Variants in ABHD14A observed in about 807,000 individuals in gnomAD.
ABHD14A encodes protein ABHD14A.
ABHD14A carries 19 observed loss-of-function variants against 27.0 expected under a neutral mutation model. That is an observed-to-expected ratio of 0.70 (90% CI 0.49 to 1.03). ABHD14A has a LOEUF of 1.03. ABHD14A is among the 50% of genes least tolerant of loss of function. The pLI, the probability that ABHD14A is intolerant of heterozygous loss-of-function variation, is 0.00. For synonymous variants in ABHD14A, 148 were observed against 158.8 expected (o/e 0.93, Z 0.51); for missense variants, 311 against 344.6 (o/e 0.90, Z 0.77).
In ABHD14A at chr3:51,980,508, G is replaced by T; in HGVS notation, c.513G>T (p.Ser171=). 1 of 1,614,012 alleles carries T rather than the reference G, an allele frequency of 6.2e-7. No individual in the cohort carries two copies. The highest frequency in any genetic ancestry group is 8.5e-7 in the Non-Finnish European group (1 of 1,180,022). ...AGAATGCCGTGTTGGTGAGCCCCTC[G>T]CTGAGTGGCCACTATGCCCTGCCCT... ...EVQNAVLVSP[S]LSGHYALPFL... is the part of the protein sequence containing the mutation. The change falls in exon 4 of 5, where the codon TCG becomes TCT. Residue 171 remains serine (S), a synonymous_variant. Coordinates refer to ENST00000273596, the MANE Select transcript of ABHD14A (RefSeq NM_015407.5).
Position 51,980,445 on chromosome 3 carries a change from A to C in ABHD14A, c.450A>C (p.Ala150=). ...AGGCAAGCACAGAGGCAGGGCGGGC[A>C]GCGCTGCTGGAGCGGGCGCTGCGGG... ...SKEASTEAGR[A]ALLERALRDL... The change falls in exon 4 of 5, where the codon GCA becomes GCC. Residue 150 remains alanine (A), a synonymous_variant. Transcript: ENST00000273596. 6.2e-7 allele frequency: 1 copy of C among 1,613,456 alleles called. No individual in the cohort carries two copies. Among genetic ancestry groups the C allele is most frequent in the Non-Finnish European group, 8.5e-7 (1 of 1,180,004 alleles).
In ABHD14A at chr3:51,978,338, C is replaced by T. The variant is rs1700835377; in HGVS notation, c.361C>T (p.Gln121Ter). Reference sequence around the variant, plus strand: ...GCTGGGCACACTGCAGCTACTGTCACAGAGGGGCTACCGGGCCGTGGCCCT... The same window carrying T: ...GCTGGGCACACTGCAGCTACTGTCATAGAGGGGCTACCGGGCCGTGGCCCT... The part of the protein sequence containing the change: ...EQLGTLQLLS[Q>*]RGYRAVALDL... Residue 121 changes from glutamine to a stop codon, truncating the protein, a stop_gained, in exon 3 of 5, where the codon CAG becomes TAG. Transcript: ENST00000273596. LOFTEE classifies it high-confidence loss of function. 6.4e-7 allele frequency: 1 copy of T among 1,551,794 alleles called. No homozygotes were observed. The highest frequency in any genetic ancestry group is 8.7e-7 in the Non-Finnish European group (1 of 1,147,008).
In ABHD14A at chr3:51,980,629, G is replaced by T. The variant is rs373076381; in HGVS notation, c.633+1G>T. The T allele has an allele frequency of 3.7e-6, 6 of 1,612,174 alleles. No homozygotes were observed. Among genetic ancestry groups the T allele is most frequent in the South Asian group, 3.3e-5 (3 of 90,996 alleles). On this transcript the variant is annotated splice_donor_variant, in intron 4 of 4. Coordinates refer to ENST00000273596, the MANE Select transcript of ABHD14A (RefSeq NM_015407.5). LOFTEE classifies it high-confidence loss of function. Reference sequence around the variant, plus strand: ...CCAGGAGCAATTCTGGGCTGTGAAGGTACTGGGAGAAGGATCTCAAAGGTC... The same window carrying T: ...CCAGGAGCAATTCTGGGCTGTGAAGTTACTGGGAGAAGGATCTCAAAGGTC...
At position 51,981,098 on chromosome 3, in the gene ABHD14A, C is replaced by T; in HGVS notation, c.*80C>T. 6.6e-7 allele frequency: 1 copy of T among 1,512,722 alleles called. No individual in the cohort carries two copies. The highest frequency in any genetic ancestry group is 2.3e-5 in the East Asian group (1 of 43,754). The allele number at this position is 1,512,722 out of a possible 1,614,324, so 93.7% of individuals were successfully genotyped here. On this transcript the variant is annotated 3_prime_UTR_variant, in exon 5 of 5. Transcript: ENST00000273596. ...ACCCTCCCTGAACCAGGGAGACAGCCTCTGGGATTGGAGGCCAGAGGCCAG... is the reference window on the plus strand; with the variant it reads ...ACCCTCCCTGAACCAGGGAGACAGCTTCTGGGATTGGAGGCCAGAGGCCAG...
chr3:51,975,245 G>A, intron 1 of ABHD14A, 41 bp downstream of exon 1: 5 of 1,246,010 alleles, frequency 4.0e-6, no homozygotes, highest in South Asian at 6.7e-5. Context: ...GTGGCCCAGG[G>A]GAGGGCCGTC....
chr3:51,978,970 C>A, intron 3 of ABHD14A: 1 of 273,138 alleles, frequency 3.7e-6, no homozygotes, highest in Admixed American at 4.3e-5. Context: ...TCATTCTTGT[C>A]ATTAAAAAAA....
In ABHD14A at chr3:51,980,627, A is replaced by G. The variant is rs762319081; in HGVS notation, c.632A>G (p.Lys211Arg). 1 of 1,612,110 alleles carries G rather than the reference A, an allele frequency of 6.2e-7. No homozygotes were observed. Among genetic ancestry groups the G allele is most frequent in the Non-Finnish European group, 8.5e-7 (1 of 1,178,692 alleles). Residue 211 changes from lysine to arginine, a missense_variant and splice_region_variant, in exon 4 of 5, where the codon AAG becomes AGG. Coordinates refer to ENST00000273596, the MANE Select transcript of ABHD14A (RefSeq NM_015407.5). ...NYTQEQFWAVKTPTLILYGEL... is the reference protein window; with the variant it reads ...NYTQEQFWAVRTPTLILYGEL... The stretch of plus-strand genomic sequence containing the variant: ...ACCCAGGAGCAATTCTGGGCTGTGA[A>G]GGTACTGGGAGAAGGATCTCAAAGG...
Position 51,975,111 on chromosome 3 carries a change from G to C in ABHD14A, c.-25G>C, listed in dbSNP as rs773706812. 10 of 1,289,270 alleles carry C rather than the reference G, an allele frequency of 7.8e-6. No homozygotes were observed. Among genetic ancestry groups the C allele is most frequent in the Non-Finnish European group, 6.9e-6 (7 of 1,018,252 alleles). The allele number at this position is 1,289,270 out of a possible 1,614,324, so 79.9% of individuals were successfully genotyped here. On this transcript the variant is annotated 5_prime_UTR_variant, in exon 1 of 5. Transcript: ENST00000273596. ...GCTCCTGGCCGCCTAGAGCCGGAGC[G>C]GCCCGCGGAGCTGCGGAGGCAGCCA...
intron 3 of ABHD14A, 136 bp downstream of exon 3, chr3:51,978,510 C>T: frequency 3.6e-6 from 2 of 551,510 alleles, no homozygotes; most frequent in South Asian, 3.2e-5. Flanking sequence ...TCATTTTCTA[C>T]TATGAAAACT....
At chr3:51,975,898 G>C (rs919318913) in intron 1 of ABHD14A, among the ~76,000 whole-genome samples, 3 of 152,272 alleles carry the variant, frequency 2.0e-5, no homozygotes, top group African/African-American at 7.2e-5. Flanking sequence ...GTGCACCTGT[G>C]TGTCATTGTC....
chr3:51,976,099 A>C (rs982678915), intron 1 of ABHD14A, among the ~76,000 whole-genome samples: 1 of 152,224 alleles, frequency 6.6e-6, no homozygotes, highest in Non-Finnish European at 1.5e-5. Flanking sequence ...CAGCAAGGAA[A>C]TGTCCCTCGC....
chr3:51,981,086 C>G lies in ABHD14A; in HGVS notation c.*68C>G, dbSNP rs971287818. 1.9e-6 allele frequency: 3 copies of G among 1,540,434 alleles called. No individual in the cohort carries two copies. Among genetic ancestry groups the G allele is most frequent in the Non-Finnish European group, 2.7e-6 (3 of 1,128,374 alleles). ...GTCTGGACCGCCACCCTCCCTGAACCAGGGAGACAGCCTCTGGGATTGGAG... is the reference window on the plus strand; with the variant it reads ...GTCTGGACCGCCACCCTCCCTGAACGAGGGAGACAGCCTCTGGGATTGGAG... On this transcript the variant is annotated 3_prime_UTR_variant, in exon 5 of 5. Transcript: ENST00000273596.
chr3:51,980,082 C>T (rs1239610763), intron 3 of ABHD14A, among the ~76,000 whole-genome samples: 1 of 152,126 alleles, frequency 6.6e-6, no homozygotes, highest in African/African-American at 2.4e-5. Context: ...GCCACCTCGC[C>T]TGGCTAATTT....
chr3:51,980,363 C>T (rs1700886755), intron 3 of ABHD14A, 30 bp from the exon 4 acceptor site: 1 of 1,607,238 alleles, frequency 6.2e-7, no homozygotes. Flanking sequence ...TTCCCAGTGC[C>T]CCTCAGCTGG....
At chr3:51,978,728 A>C (rs1340627901) in intron 3 of ABHD14A, 2 of 276,438 alleles carry the variant, frequency 7.2e-6, no homozygotes, top group Non-Finnish European at 1.5e-5. Flanking sequence ...AGTAGCTGAG[A>C]TTACAGGTGA....
chr3:51,980,600 A>G lies in ABHD14A; in HGVS notation c.605A>G (p.Tyr202Cys), dbSNP rs2106817986. The G allele has an allele frequency of 6.2e-7, 1 of 1,613,902 alleles. No individual in the cohort carries two copies. The highest frequency in any genetic ancestry group is 1.1e-5 in the South Asian group (1 of 91,084). Residue 202 changes from tyrosine (Y) to cysteine (C), a missense_variant, in exon 4 of 5, where the codon TAC becomes TGC. Coordinates refer to ENST00000273596, the MANE Select transcript of ABHD14A (RefSeq NM_015407.5). ...VPIAPTSTQN[Y>C]TQEQFWAVKT... The stretch of plus-strand genomic sequence containing the variant: ...ATCGCACCCACCTCCACCCAGAACT[A>G]CACCCAGGAGCAATTCTGGGCTGTG...
intron 1 of ABHD14A, among the ~76,000 whole-genome samples, chr3:51,976,946 T>C (rs2015691): frequency 0.075 from 11,437 of 152,178 alleles, 1,445 homozygotes; most frequent in African/African-American, 0.26. Context: ...AGACCCCAGA[T>C]TGGAGGAGTC....
chr3:51,981,016 T>G lies in ABHD14A; in HGVS notation c.814T>G (p.Ter272GlyextTer11). ...VLLAFLDHLP[*>G] ...GCTTGCCTTCCTTGACCATCTACCT[T>G]GAACTAACCCACTCCCAGCTCCCAG... Residue 272 changes from the stop codon to glycine (G), a stop_lost, in exon 5 of 5, where the codon TGA becomes GGA. Transcript: ENST00000273596. 1 of 1,607,326 alleles carries G rather than the reference T, an allele frequency of 6.2e-7. No individual in the cohort carries two copies. Among genetic ancestry groups the G allele is most frequent in the South Asian group, 1.1e-5 (1 of 90,984 alleles).
chr3:51,979,917 T>TTTTTA (rs1267272359), intron 3 of ABHD14A, among the ~76,000 whole-genome samples: 5 of 152,094 alleles, frequency 3.3e-5, no homozygotes, highest in Non-Finnish European at 7.4e-5. Flanking sequence ...TATTATTTAT[T>TTTTTA]TTTTATTTTA....
Sources: allele counts gnomAD v4.1 joint callset (sites outside exome capture counted in the v4.1 genomes callset), GRCh38; gene constraint gnomAD v4.1.1; transcripts MANE v1.5; gene names NCBI Gene and HGNC (gene_info 2026-07-23, HGNC 2026-07-21).